SLC14A2: variants seen among roughly 807,000 people sequenced by gnomAD.
SLC14A2 encodes the protein urea transporter 2.
A neutral mutation model predicts 104.6 loss-of-function variants in SLC14A2; 91 were observed. That is an observed-to-expected ratio of 0.87 (90% CI 0.73 to 1.04). The LOEUF (loss-of-function observed/expected upper bound fraction) is 1.04. Ranked by LOEUF, SLC14A2 falls within the 50% of genes least tolerant of loss-of-function variation. The pLI is 0.00. For missense variants in SLC14A2, 1,189 were observed against 1,156.0 expected, an observed-to-expected ratio of 1.03 and a Z score of -0.41; for synonymous variants, 476 against 466.4, an observed-to-expected ratio of 1.02 and a Z score of -0.27.
chr18:45,408,072 G>A (rs1259339900), intron 1 of SLC14A2, among the ~76,000 whole-genome samples: 1 of 152,190 alleles, frequency 6.6e-6, no homozygotes, highest in Non-Finnish European at 1.5e-5. Flanking sequence ...TAATATCTGT[G>A]AAGTGCAATC....
chr18:45,345,258 A>G (rs1183452767), intron 1 of SLC14A2, among the ~76,000 whole-genome samples: 1 of 152,244 alleles, frequency 6.6e-6, no homozygotes, highest in Non-Finnish European at 1.5e-5. Flanking sequence ...TCTTTCTACA[A>G]AGAAGGGGAG....
At chr18:45,312,752 A>G (rs1455534317) in intron 1 of SLC14A2, among the ~76,000 whole-genome samples, 1 of 152,228 alleles carries the variant, frequency 6.6e-6, no homozygotes, top group Non-Finnish European at 1.5e-5. Context: ...GAGAGCGTGA[A>G]ATAAACAATG....
intron 1 of SLC14A2, among the ~76,000 whole-genome samples, chr18:45,246,299 A>G (rs78140256): frequency 6.6e-6 from 1 of 152,188 alleles, no homozygotes; most frequent in Non-Finnish European, 1.5e-5. Context: ...CAGCCTTCAG[A>G]ACTGTGAGGA....
At chr18:45,293,888 T>C (rs1439987905) in intron 1 of SLC14A2, among the ~76,000 whole-genome samples, 1 of 152,242 alleles carries the variant, frequency 6.6e-6, no homozygotes, top group Non-Finnish European at 1.5e-5. Flanking sequence ...TTATCTTTTA[T>C]ACATTCCTTC....
intron 2 of SLC14A2, among the ~76,000 whole-genome samples, chr18:45,556,080 C>G (rs2044129293): frequency 6.6e-6 from 1 of 152,174 alleles, no homozygotes; most frequent in South Asian, 2.1e-4. Context: ...AGTGAGGGCC[C>G]TCTTCTGGGT....
At chr18:45,667,668 C>T (rs958165818) in intron 13 of SLC14A2, among the ~76,000 whole-genome samples, 165 bp from the exon 14 acceptor site, 2 of 152,160 alleles carry the variant, frequency 1.3e-5, no homozygotes, top group African/African-American at 4.8e-5. Flanking sequence ...CAGTCAGATG[C>T]TCTCTTGAGT....
intron 2 of SLC14A2, among the ~76,000 whole-genome samples, chr18:45,532,139 C>A (rs554259081): frequency 6.6e-6 from 1 of 152,082 alleles, no homozygotes; most frequent in Non-Finnish European, 1.5e-5. Context: ...TAGCATGATG[C>A]CTCCAGCTTT....
chr18:45,499,037 T>C (rs1249104270), intron 2 of SLC14A2, among the ~76,000 whole-genome samples: 1 of 152,196 alleles, frequency 6.6e-6, no homozygotes. Flanking sequence ...CCTGCATGAC[T>C]CTGTCCCCTT....
chr18:45,600,010 C>A (rs937822091), intron 2 of SLC14A2, among the ~76,000 whole-genome samples: 1 of 152,186 alleles, frequency 6.6e-6, no homozygotes, highest in East Asian at 1.9e-4. Flanking sequence ...GGTGGGGACA[C>A]AGACAAACAA....
At chr18:45,662,570 C>G (rs2045952435) in intron 10 of SLC14A2, among the ~76,000 whole-genome samples, 1 of 151,998 alleles carries the variant, frequency 6.6e-6, no homozygotes, top group Non-Finnish European at 1.5e-5. Context: ...GACTGAGTAG[C>G]AAAAATGCAG....
At chr18:45,186,301 C>T in the SLC14A2 span, among the ~76,000 whole-genome samples, 1 of 152,204 alleles carries the variant, frequency 6.6e-6, no homozygotes, top group East Asian at 1.9e-4. Context: ...CAGAGGGCCA[C>T]TTTTATATAT....
chr18:45,203,348 C>G, the SLC14A2 span, among the ~76,000 whole-genome samples: 1 of 152,186 alleles, frequency 6.6e-6, no homozygotes, highest in African/African-American at 2.4e-5. Flanking sequence ...ATTGACTACT[C>G]TTCTCAAAAC....
intron 1 of SLC14A2, among the ~76,000 whole-genome samples, chr18:45,364,797 GAAGT>G (rs1339278395): frequency 6.6e-6 from 1 of 152,106 alleles, no homozygotes; most frequent in Non-Finnish European, 1.5e-5. Flanking sequence ...TTTTTCTCCA[GAAGT>G]AAGAATGGGT....
intron 1 of SLC14A2, among the ~76,000 whole-genome samples, chr18:45,396,016 A>ATATG (rs1182208688): frequency 6.6e-6 from 1 of 152,176 alleles, no homozygotes; most frequent in Non-Finnish European, 1.5e-5. Context: ...TTAAGGGAAT[A>ATATG]TATGGTGTTT....
At chr18:45,498,366 A>C (rs557070086) in intron 2 of SLC14A2, among the ~76,000 whole-genome samples, 1 of 152,334 alleles carries the variant, frequency 6.6e-6, no homozygotes, top group Admixed American at 6.5e-5. Context: ...CAGTGCCTGA[A>C]GCTGGGAAAT....
At chr18:45,603,013 A>C (rs1289625450) in intron 2 of SLC14A2, among the ~76,000 whole-genome samples, 3 of 152,278 alleles carry the variant, frequency 2.0e-5, no homozygotes, top group Admixed American at 6.5e-5. Context: ...GATTCTATCA[A>C]AAAAGTACAT....
intron 2 of SLC14A2, 90 bp downstream of exon 2, chr18:45,624,904 A>G: frequency 7.5e-7 from 1 of 1,330,246 alleles, no homozygotes; most frequent in East Asian, 2.4e-5. Flanking sequence ...CTTCCCAGTG[A>G]ACTTAGCACA....
At position 45,599,284 on chromosome 18, in the gene SLC14A2, C is replaced by T. The variant is rs185285920; in HGVS notation, c.-34-25347C>T. Among the ~76,000 whole-genome samples the T allele has an allele frequency of 3.2e-3, 494 of 152,306 alleles. 2 individuals carry two copies. Among genetic ancestry groups the T allele is most frequent in the Non-Finnish European group, 6.1e-3 (413 of 68,036 alleles). The stretch of plus-strand genomic sequence containing the variant: ...GCACAATTACTGCCTCCCTCTTGAT[C>T]AAGGGTTCATTTCAGAAGCTGATTC... On this transcript the variant is annotated intron_variant, in intron 2 of 20. Transcript: ENST00000586448.
chr18:45,346,898 G>A (rs959513936), intron 1 of SLC14A2, among the ~76,000 whole-genome samples: 2 of 151,246 alleles, frequency 1.3e-5, no homozygotes, highest in African/African-American at 4.9e-5. Flanking sequence ...AGAGGCAGAG[G>A]TTGCAGTGAG....
Sources: allele counts gnomAD v4.1 joint callset (sites outside exome capture counted in the v4.1 genomes callset), GRCh38; gene constraint gnomAD v4.1.1; transcripts MANE v1.5; gene names NCBI Gene and HGNC (gene_info 2026-07-23, HGNC 2026-07-21).